The following TRPC4 variants were observed in gnomAD, a reference collection of about 807,000 sequenced individuals.
TRPC4 encodes the protein short transient receptor potential channel 4.
TRPC4 carries 49 observed loss-of-function variants against 99.4 expected under a neutral mutation model. The observed-to-expected ratio is 0.49, with a 90% CI of 0.39 to 0.63. The LOEUF (loss-of-function observed/expected upper bound fraction) is 0.63, where lower values mean the gene tolerates loss of function less well. TRPC4 is among the 20% of genes least tolerant of loss of function. The pLI, the probability that TRPC4 is intolerant of heterozygous loss-of-function variation, is 0.00. For synonymous variants in TRPC4, 454 were observed against 425.9 expected (o/e 1.07, Z -0.81); for missense variants, 898 against 1,152.9 (o/e 0.78, Z 3.20).
chr13:37,817,437 T>C (rs530356977), intron 1 of TRPC4, among the ~76,000 whole-genome samples: 1 of 152,076 alleles, frequency 6.6e-6, no homozygotes, highest in Admixed American at 6.6e-5. Context: ...ATCCTAAAAA[T>C]GGTGATATTG....
Position 37,835,041 on chromosome 13 carries a change from T to C in TRPC4, c.-28+34554A>G, listed in dbSNP as rs549178593. Among the ~76,000 whole-genome samples, 11 of 151,196 alleles carry C rather than the reference T, an allele frequency of 7.3e-5. No homozygotes were observed. In the East Asian group the frequency reaches 1.4e-3, roughly 19 times the overall value. On this transcript the variant is annotated intron_variant, in intron 1 of 10. Transcript: ENST00000379705. ...TGAACCACCAGCAGGCCCAGCCTGT[T>C]TTTTTTTTTAATTTTTTTTTTAAAT... is the stretch of plus-strand genomic sequence containing the variant.
intron 2 of TRPC4, among the ~76,000 whole-genome samples, chr13:37,763,879 C>T (rs1383888859): frequency 6.6e-6 from 1 of 151,500 alleles, no homozygotes; most frequent in Non-Finnish European, 1.5e-5. Flanking sequence ...AACACCGAAT[C>T]CAAGTATGGC....
chr13:37,767,071 T>C (rs1956393645), intron 2 of TRPC4, among the ~76,000 whole-genome samples: 1 of 151,368 alleles, frequency 6.6e-6, no homozygotes, highest in Admixed American at 6.6e-5. Flanking sequence ...TTATGACTCT[T>C]TAGTTGAACA....
At chr13:37,769,882 A>G (rs1400117884) in intron 2 of TRPC4, among the ~76,000 whole-genome samples, 1 of 151,584 alleles carries the variant, frequency 6.6e-6, no homozygotes, top group African/African-American at 2.4e-5. Context: ...ACATTAAACC[A>G]GATCTAAATA....
chr13:37,735,777 C>T (rs923474065), intron 3 of TRPC4, among the ~76,000 whole-genome samples: 16 of 152,128 alleles, frequency 1.1e-4, no homozygotes, highest in Non-Finnish European at 1.9e-4. Flanking sequence ...TGCTTATGTA[C>T]ATTTTCTCAG....
intron 1 of TRPC4, among the ~76,000 whole-genome samples, chr13:37,827,763 A>G (rs1386059485): frequency 1.3e-5 from 2 of 152,208 alleles, no homozygotes; most frequent in Non-Finnish European, 2.9e-5. Flanking sequence ...GAGCCTACAG[A>G]GGCAGGCAGG....
chr13:37,767,306 T>C (rs914078672), intron 2 of TRPC4, among the ~76,000 whole-genome samples: 1 of 147,484 alleles, frequency 6.8e-6, no homozygotes, highest in African/African-American at 2.5e-5. Flanking sequence ...AAATTCACTC[T>C]AAAACACACT....
intron 1 of TRPC4, among the ~76,000 whole-genome samples, chr13:37,786,843 G>A (rs1301464182): frequency 1.3e-5 from 2 of 151,632 alleles, no homozygotes; most frequent in Non-Finnish European, 2.9e-5. Context: ...GGAGTGATGG[G>A]GAAATAATTC....
intron 1 of TRPC4, among the ~76,000 whole-genome samples, chr13:37,806,581 A>T (rs1360812050): frequency 6.6e-6 from 1 of 152,074 alleles, no homozygotes; most frequent in Non-Finnish European, 1.5e-5. Context: ...GAACTCAAAT[A>T]ATCACTAACT....
chr13:37,812,180 A>AAAAAAAAAAAAAAAAAAAAC (rs1957711812), intron 1 of TRPC4, among the ~76,000 whole-genome samples: 1 of 145,652 alleles, frequency 6.9e-6, no homozygotes, highest in African/African-American at 2.6e-5. Context: ...CTCTATCAAA[A>AAAAAAAAAAAAAAAAAAAAC]AAAAAAAAAA....
chr13:37,864,597 C>T (rs10507460), intron 1 of TRPC4, among the ~76,000 whole-genome samples: 5,811 of 151,640 alleles, frequency 0.038, 154 homozygotes, highest in African/African-American at 0.069. Context: ...ATTTATGGCA[C>T]TCTAATTCAG....
intron 1 of TRPC4, among the ~76,000 whole-genome samples, chr13:37,843,591 T>C (rs1021089656): frequency 7.2e-5 from 11 of 152,166 alleles, no homozygotes; most frequent in African/African-American, 2.7e-4. Context: ...AGTGTTAATA[T>C]ATCAACTGCT....
In TRPC4 at chr13:37,746,051, A is replaced by G. The variant is rs1383202787; in HGVS notation, c.783T>C (p.Ser261=). 1.2e-6 allele frequency: 2 copies of G among 1,613,730 alleles called. No homozygotes were observed. The highest frequency in any genetic ancestry group is 2.7e-5 in the African/African-American group (2 of 74,884). The change falls in exon 3 of 11, where the codon AGT becomes AGC. Residue 261 remains serine, a synonymous_variant. Coordinates refer to ENST00000379705, the MANE Select transcript of TRPC4 (RefSeq NM_016179.4). ...FAKDLLDQTR[S]SRELEIILNY... is the part of the protein sequence containing the mutation. ...TAAGAATGATTTCCAGTTCTCTGGA[A>G]CTTCTCGTCTGATCCAGTAGGTCCT...
intron 1 of TRPC4, 42 bp from the exon 2 acceptor site, chr13:37,783,402 G>A: frequency 1.4e-6 from 2 of 1,439,022 alleles, no homozygotes; most frequent in Non-Finnish European, 1.8e-6. Flanking sequence ...GTGTTAATAT[G>A]CTTTTAAAAT....
At chr13:37,639,744 C>CATATAT (rs59528300) in intron 8 of TRPC4, among the ~76,000 whole-genome samples, 33,242 of 146,482 alleles carry the variant, frequency 0.23, 4,430 homozygotes, top group East Asian at 0.67. Context: ...ACTCTCCAAT[C>CATATAT]ATATATATAT....
intron 2 of TRPC4, among the ~76,000 whole-genome samples, chr13:37,770,775 A>T (rs1467929405): frequency 6.6e-6 from 1 of 151,666 alleles, no homozygotes; most frequent in African/African-American, 2.4e-5. Flanking sequence ...ATAGTTATAT[A>T]TGTGCATAAT....
At chr13:37,813,480 C>T (rs1387071222) in intron 1 of TRPC4, among the ~76,000 whole-genome samples, 1 of 151,320 alleles carries the variant, frequency 6.6e-6, no homozygotes, top group Non-Finnish European at 1.5e-5. Context: ...ACTGATGAAA[C>T]TTTAGCTAAA....
At chr13:37,803,169 A>C (rs1957447743) in intron 1 of TRPC4, among the ~76,000 whole-genome samples, 1 of 151,798 alleles carries the variant, frequency 6.6e-6, no homozygotes. Flanking sequence ...TATTTTATTG[A>C]GAACTTATTC....
intron 1 of TRPC4, among the ~76,000 whole-genome samples, chr13:37,847,239 A>T (rs1333012118): frequency 3.3e-5 from 5 of 152,112 alleles, no homozygotes; most frequent in Non-Finnish European, 7.4e-5. Context: ...CAGGATTCAC[A>T]TTCTTCTCAA....
Sources: allele counts gnomAD v4.1 joint callset (sites outside exome capture counted in the v4.1 genomes callset), GRCh38; gene constraint gnomAD v4.1.1; transcripts MANE v1.5; gene names NCBI Gene and HGNC (gene_info 2026-07-23, HGNC 2026-07-21).